NBAS: variants seen among roughly 807,000 people sequenced by gnomAD.
NBAS encodes the protein NBAS subunit of NRZ tethering complex, also known as NAG/BC035112 fusion.
In NBAS, 219 loss-of-function variants were observed where a neutral mutation model predicts 302.5. The ratio of observed to expected loss-of-function variants is 0.72; its 90% CI spans 0.65 to 0.81. The LOEUF (loss-of-function observed/expected upper bound fraction) is 0.81. Among genes scored for constraint, NBAS ranks in the 30% least tolerant of loss-of-function variants. The pLI, the probability that NBAS is intolerant of heterozygous loss-of-function variation, is 0.00. For missense variants in NBAS, 2,932 were observed against 2,841.6 expected, an observed-to-expected ratio of 1.03 and a Z score of -0.72; for synonymous variants, 1,118 against 1,021.6, an observed-to-expected ratio of 1.09 and a Z score of -1.80.
At chr2:14,982,015 G>A in the NBAS span, among the ~76,000 whole-genome samples, 2 of 152,188 alleles carry the variant, frequency 1.3e-5, no homozygotes, top group Non-Finnish European at 2.9e-5. Context: ...TATGGCAAAA[G>A]TGGTGTTCTA....
chr2:14,873,996 A>G, the NBAS span, among the ~76,000 whole-genome samples: 4 of 152,164 alleles, frequency 2.6e-5, no homozygotes, highest in Admixed American at 2.6e-4. Context: ...AAAATAGACA[A>G]AGTCAATATA....
chr2:15,033,917 C>A, the NBAS span, among the ~76,000 whole-genome samples: 3,098 of 151,136 alleles, frequency 0.02, 130 homozygotes, highest in East Asian at 0.099. Context: ...CACTCCACTC[C>A]ACTCTGGACA....
chr2:15,238,261 A>G (rs1667696391), intron 45 of NBAS, among the ~76,000 whole-genome samples: 1 of 152,148 alleles, frequency 6.6e-6, no homozygotes, highest in South Asian at 2.1e-4. Context: ...CAACGGTGCC[A>G]AGTGGCTTAA....
intron 48 of NBAS, among the ~76,000 whole-genome samples, chr2:15,208,457 G>C (rs568423716): frequency 7.2e-5 from 11 of 152,286 alleles, no homozygotes; most frequent in South Asian, 2.1e-4. Flanking sequence ...ATAATAGCTG[G>C]AGACTTCAAC....
chr2:15,073,104 A>T, the NBAS span, among the ~76,000 whole-genome samples: 1 of 152,218 alleles, frequency 6.6e-6, no homozygotes, highest in Non-Finnish European at 1.5e-5. Flanking sequence ...AGCCTGGGCA[A>T]CAGCTGGAAA....
chr2:14,974,198 C>T, the NBAS span, among the ~76,000 whole-genome samples: 4 of 152,296 alleles, frequency 2.6e-5, no homozygotes, highest in Admixed American at 2.6e-4. Context: ...AGGGAAGATA[C>T]CATGTCTTCC....
chr2:15,064,302 CAAAA>C, the NBAS span, among the ~76,000 whole-genome samples: 7 of 131,392 alleles, frequency 5.3e-5, no homozygotes, highest in African/African-American at 1.6e-4. Flanking sequence ...AGAAAAGACT[CAAAA>C]AAAAAAAAAA....
At chr2:15,540,683 C>A (rs770698151) in intron 6 of NBAS, among the ~76,000 whole-genome samples, 3 of 151,608 alleles carry the variant, frequency 2.0e-5, no homozygotes, top group Non-Finnish European at 4.4e-5. Context: ...ACCACGACAA[C>A]CTGGCAAATG....
chr2:15,030,140 C>T, the NBAS span, among the ~76,000 whole-genome samples: 1 of 152,096 alleles, frequency 6.6e-6, no homozygotes, highest in East Asian at 1.9e-4. Context: ...TGTCTGTTGT[C>T]TTCAGAAAAT....
chr2:15,314,311 A>G (rs1377290051), intron 38 of NBAS, among the ~76,000 whole-genome samples: 1 of 152,190 alleles, frequency 6.6e-6, no homozygotes, highest in Non-Finnish European at 1.5e-5. Flanking sequence ...CGCCAAGACA[A>G]GATCACACCG....
chr2:15,157,117 AC>A, the NBAS span, among the ~76,000 whole-genome samples: 4 of 152,040 alleles, frequency 2.6e-5, no homozygotes, highest in African/African-American at 9.7e-5. Flanking sequence ...TCTAAGTTGC[AC>A]CCCACCACAC....
At chr2:14,917,661 A>C in the NBAS span, among the ~76,000 whole-genome samples, 3 of 152,248 alleles carry the variant, frequency 2.0e-5, no homozygotes, top group African/African-American at 7.2e-5. Flanking sequence ...TGGGGACACC[A>C]GGAGACTAAA....
At chr2:15,248,162 C>T (rs187896558) in intron 44 of NBAS, among the ~76,000 whole-genome samples, 65 of 152,228 alleles carry the variant, frequency 4.3e-4, no homozygotes, top group African/African-American at 1.5e-3. Flanking sequence ...CTCAAAACCG[C>T]GCAACTACAT....
chr2:15,040,823 G>A, the NBAS span, among the ~76,000 whole-genome samples: 5 of 152,308 alleles, frequency 3.3e-5, no homozygotes, highest in African/African-American at 4.8e-5. Context: ...AAGTCATTCC[G>A]TGACAGTTAA....
chr2:15,280,412 G>T (rs1310731903), intron 42 of NBAS, among the ~76,000 whole-genome samples: 1 of 151,978 alleles, frequency 6.6e-6, no homozygotes, highest in Non-Finnish European at 1.5e-5. Flanking sequence ...GGGGAAGAGA[G>T]AATAAAGAGG....
At chr2:15,287,020 T>C (rs1670071250) in intron 42 of NBAS, 53 bp downstream of exon 42, 8 of 1,398,562 alleles carry the variant, frequency 5.7e-6, no homozygotes, top group Admixed American at 1.7e-5. Flanking sequence ...TCTTCAAAAA[T>C]AGACTCTAAA....
chr2:14,978,134 T>C, the NBAS span, among the ~76,000 whole-genome samples: 100 of 152,230 alleles, frequency 6.6e-4, no homozygotes, highest in Non-Finnish European at 9.9e-4. Flanking sequence ...TCTTTTCTCT[T>C]CTTATAAAAA....
At chr2:14,956,663 G>A in the NBAS span, among the ~76,000 whole-genome samples, 1 of 152,176 alleles carries the variant, frequency 6.6e-6, no homozygotes. Context: ...GGGGAGAGAA[G>A]GAGTGTCAAG....
chr2:14,939,477 C>G, the NBAS span, among the ~76,000 whole-genome samples: 13 of 152,378 alleles, frequency 8.5e-5, no homozygotes, highest in Admixed American at 5.9e-4. Flanking sequence ...TAAAGACCTT[C>G]TGACTCCAGG....
Sources: allele counts gnomAD v4.1 joint callset (sites outside exome capture counted in the v4.1 genomes callset), GRCh38; gene constraint gnomAD v4.1.1; transcripts MANE v1.5; gene names NCBI Gene and HGNC (gene_info 2026-07-23, HGNC 2026-07-21).